AFF3: variants seen among roughly 807,000 people sequenced by gnomAD.
AFF3 encodes AF4/FMR2 family member 3.
In AFF3, 32 loss-of-function variants were observed where a neutral mutation model predicts 129.7. The ratio of observed to expected loss-of-function variants is 0.25; its 90% CI spans 0.19 to 0.33. The LOEUF is 0.33. AFF3 is among the 10% of genes least tolerant of loss of function. The pLI is 1.00. For synonymous variants in AFF3, 644 were observed against 635.4 expected (o/e 1.01, Z -0.20); for missense variants, 1,373 against 1,592.0 (o/e 0.86, Z 2.34).
intron 11 of AFF3, among the ~76,000 whole-genome samples, chr2:99,689,978 T>C (rs1363118961): frequency 6.7e-6 from 1 of 149,804 alleles, no homozygotes; most frequent in African/African-American, 2.4e-5. Context: ...TCCCAGCTAC[T>C]TGGGAGGCTG....
intron 11 of AFF3, among the ~76,000 whole-genome samples, chr2:99,685,140 T>C (rs1479501377): frequency 6.6e-6 from 1 of 152,050 alleles, no homozygotes; most frequent in African/African-American, 2.4e-5. Flanking sequence ...GTTTTCACCA[T>C]GGTGTGGCCA....
rs745952732 is a variant in AFF3, at chr2:100,016,938, C to T, written c.54-8006G>A. On this transcript the variant is annotated intron_variant, in intron 4 of 24. Transcript: ENST00000672756. ...GTGATTGTTATGATAATGGTGATGA[C>T]GGTAGTGAAGTTGATGGTGGTGATG... Among the ~76,000 whole-genome samples, 6 of 142,660 alleles carry T rather than the reference C, an allele frequency of 4.2e-5. No homozygotes were observed. The East Asian group carries it at 1.1e-3, about 25-fold the overall frequency. The allele number at this position is 142,660 out of a possible 152,430, so 93.6% of individuals were successfully genotyped here.
intron 13 of AFF3, among the ~76,000 whole-genome samples, chr2:99,634,349 G>A (rs370582069): frequency 5.3e-4 from 81 of 152,342 alleles, no homozygotes; most frequent in African/African-American, 1.9e-3. Context: ...GCAGAGCTAA[G>A]CTGTGGCTTG....
At chr2:100,009,289 A>G (rs955706976) in intron 4 of AFF3, among the ~76,000 whole-genome samples, 2 of 152,044 alleles carry the variant, frequency 1.3e-5, no homozygotes, top group Non-Finnish European at 2.9e-5. Context: ...TTTCTCTATG[A>G]CAGAGCTTCT....
At chr2:99,685,284 A>G (rs1319152768) in intron 11 of AFF3, among the ~76,000 whole-genome samples, 1 of 152,160 alleles carries the variant, frequency 6.6e-6, no homozygotes, top group African/African-American at 2.4e-5. Context: ...AAGTATATTG[A>G]GAGTTCTAAA....
chr2:99,672,655 C>A, intron 11 of AFF3, 66 bp from the exon 12 acceptor site: 1 of 1,436,154 alleles, frequency 7.0e-7, no homozygotes, highest in Non-Finnish European at 9.8e-7. Flanking sequence ...TAATTCAGCA[C>A]CAAAATATCA....
chr2:99,791,835 T>C lies in AFF3; in HGVS notation c.922-39534A>G, dbSNP rs1685214319. Among the ~76,000 whole-genome samples, 3 of 152,050 alleles carry C rather than the reference T, an allele frequency of 2.0e-5. No homozygotes were observed. In the South Asian group the frequency reaches 6.2e-4, roughly 32 times the overall value. On this transcript the variant is annotated intron_variant, in intron 8 of 24. Transcript: ENST00000672756. The stretch of plus-strand genomic sequence containing the variant: ...TGCAATTTTGTGTTTTTCTTTTTTT[T>C]TTTTTTAATTTTGCTGTTTAAAATG...
chr2:99,756,242 C>A (rs934959071), intron 8 of AFF3, among the ~76,000 whole-genome samples: 1 of 152,238 alleles, frequency 6.6e-6, no homozygotes. Context: ...GGCAATTGGG[C>A]AATCTGGTGG....
At chr2:99,787,735 A>G (rs6705966) in intron 8 of AFF3, among the ~76,000 whole-genome samples, 132,118 of 151,856 alleles carry the variant, frequency 0.87, 57,505 homozygotes, top group South Asian at 0.92. Context: ...GAAAACAAAC[A>G]AACGAACAAA....
At chr2:99,998,712 A>G (rs1456917105) in intron 7 of AFF3, among the ~76,000 whole-genome samples, 1 of 152,202 alleles carries the variant, frequency 6.6e-6, no homozygotes, top group Non-Finnish European at 1.5e-5. Flanking sequence ...CAGGAGACAT[A>G]CACGGCTTAT....
Position 100,115,558 on chromosome 2 carries a change from AAAAAAT to A in AFF3, c.-144-9981_-144-9976del, listed in dbSNP as rs562114335. Among the ~76,000 whole-genome samples, 10 of 152,330 alleles carry A rather than the reference AAAAAAT, an allele frequency of 6.6e-5. No individual in the cohort carries two copies. In the East Asian group the frequency reaches 1.2e-3, roughly 18 times the overall value. On this transcript the variant is annotated intron_variant, in intron 2 of 24. Coordinates refer to ENST00000672756, the MANE Select transcript of AFF3 (RefSeq NM_001386135.1). ...GGGTGACAGAGGGAGACGCTGTCTC[AAAAAAT>A]AAAAATAAAAATAAGTGTATCCTGC...
At chr2:99,985,867 C>G (rs1479758538) in intron 7 of AFF3, among the ~76,000 whole-genome samples, 1 of 151,882 alleles carries the variant, frequency 6.6e-6, no homozygotes, top group Non-Finnish European at 1.5e-5. Flanking sequence ...CTTAGGATTA[C>G]TTTTCTATAT....
chr2:99,919,910 A>C (rs912460001), intron 7 of AFF3, among the ~76,000 whole-genome samples: 1 of 152,106 alleles, frequency 6.6e-6, no homozygotes, highest in Non-Finnish European at 1.5e-5. Context: ...TTATACAAAA[A>C]TTTAAAGTAT....
chr2:99,571,239 C>T (rs1676449522), intron 18 of AFF3, among the ~76,000 whole-genome samples: 1 of 152,098 alleles, frequency 6.6e-6, no homozygotes, highest in Non-Finnish European at 1.5e-5. Context: ...CCATGGCAAC[C>T]TGAAATTCTC....
intron 7 of AFF3, among the ~76,000 whole-genome samples, chr2:99,926,745 C>T (rs907452169): frequency 5.3e-5 from 8 of 152,026 alleles, no homozygotes; most frequent in Non-Finnish European, 1.0e-4. Context: ...TGTACTGTCA[C>T]GATTCAACAA....
At chr2:99,635,874 G>A (rs1244265014) in intron 13 of AFF3, among the ~76,000 whole-genome samples, 1 of 152,144 alleles carries the variant, frequency 6.6e-6, no homozygotes, top group Non-Finnish European at 1.5e-5. Flanking sequence ...AGGGCCTGGG[G>A]CAGCAAGCAT....
chr2:99,564,316 C>T (rs1194178419), intron 20 of AFF3, among the ~76,000 whole-genome samples: 1 of 152,066 alleles, frequency 6.6e-6, no homozygotes, highest in East Asian at 1.9e-4. Flanking sequence ...TGCCTATGAA[C>T]ATCTCAGGCT....
At chr2:99,883,533 TCA>T (rs1692884516) in intron 7 of AFF3, among the ~76,000 whole-genome samples, 1 of 152,246 alleles carries the variant, frequency 6.6e-6, no homozygotes, top group African/African-American at 2.4e-5. Flanking sequence ...AATTAACATC[TCA>T]GAGTCATTAA....
intron 5 of AFF3, chr2:100,007,711 A>G (rs918323370): frequency 1.4e-5 from 7 of 488,824 alleles, no homozygotes; most frequent in Non-Finnish European, 2.6e-5. Context: ...TGGCTGGCTC[A>G]TGCCTGGAAT....
Sources: allele counts gnomAD v4.1 joint callset (sites outside exome capture counted in the v4.1 genomes callset), GRCh38; gene constraint gnomAD v4.1.1; transcripts MANE v1.5; gene names NCBI Gene and HGNC (gene_info 2026-07-23, HGNC 2026-07-21).